Variants in JPH1 observed in about 807,000 individuals in gnomAD.
JPH1 encodes junctophilin-1.
In JPH1, 12 loss-of-function variants were observed where a neutral mutation model predicts 53.6. That is an observed-to-expected ratio of 0.22 (90% CI 0.14 to 0.36). The LOEUF is 0.36. Among genes scored for constraint, JPH1 ranks in the 10% least tolerant of loss-of-function variants. The pLI is 1.00. For synonymous variants in JPH1, 375 were observed against 363.8 expected, an observed-to-expected ratio of 1.03 and a Z score of -0.35; for missense variants, 808 against 905.5, an observed-to-expected ratio of 0.89 and a Z score of 1.38.
chr8:74,287,950 G>GTACAT (rs1489885826), intron 2 of JPH1, among the ~76,000 whole-genome samples: 3 of 151,138 alleles, frequency 2.0e-5, no homozygotes, highest in African/African-American at 7.3e-5. Flanking sequence ...ACTTGTTTTA[G>GTACAT]CTGACAATAT....
intron 2 of JPH1, among the ~76,000 whole-genome samples, chr8:74,288,669 C>T (rs1807238078): frequency 6.6e-6 from 1 of 152,184 alleles, no homozygotes; most frequent in South Asian, 2.1e-4. Context: ...CAGAGTTAAG[C>T]CCATGGACAA....
At chr8:74,302,970 A>C (rs1321869010) in intron 2 of JPH1, among the ~76,000 whole-genome samples, 5 of 152,088 alleles carry the variant, frequency 3.3e-5, no homozygotes, top group East Asian at 1.9e-4. Flanking sequence ...AAAAAAAAAA[A>C]AAAAAACAGT....
chr8:74,237,604 A>G (rs1807038451), intron 4 of JPH1, among the ~76,000 whole-genome samples: 1 of 152,232 alleles, frequency 6.6e-6, no homozygotes, highest in East Asian at 1.9e-4. Context: ...GACACAGCTC[A>G]CCCTAACAGG....
At position 74,275,020 on chromosome 8, in the gene JPH1, T is replaced by C. The variant is rs56273881; in HGVS notation, c.1140-15517A>G. ...GCCTGGGCTATGAGAATTTTCCTAC[T>C]GTCAGCCAAATTTTTATTTGATTTT... is the stretch of plus-strand genomic sequence containing the variant. On this transcript the variant is annotated intron_variant, in intron 2 of 5. Coordinates refer to ENST00000342232, the MANE Select transcript of JPH1 (RefSeq NM_020647.4). Among the ~76,000 whole-genome samples, 931 of 152,340 alleles carry C rather than the reference T, an allele frequency of 6.1e-3. 9 individuals are homozygous for C. The highest frequency in any genetic ancestry group is 0.021 in the African/African-American group (878 of 41,586).
chr8:74,297,811 G>A (rs564557537), intron 2 of JPH1, among the ~76,000 whole-genome samples: 1 of 152,324 alleles, frequency 6.6e-6, no homozygotes, highest in Non-Finnish European at 1.5e-5. Flanking sequence ...AGCTTTGATA[G>A]TGTGTGGCTA....
At chr8:74,272,817 G>A (rs1209554301) in intron 2 of JPH1, among the ~76,000 whole-genome samples, 4 of 151,952 alleles carry the variant, frequency 2.6e-5, no homozygotes, top group Non-Finnish European at 5.9e-5. Context: ...TGTTAGCCAG[G>A]ATGGTCTCGA....
chr8:74,272,600 CTTTTTTTTTTTT>C (rs765158506), intron 2 of JPH1, among the ~76,000 whole-genome samples: 1 of 112,684 alleles, frequency 8.9e-6, no homozygotes, highest in Non-Finnish European at 1.8e-5. Context: ...ACCCTTAGTT[CTTTTTTTTTTTT>C]TTTTTTTTTG....
At position 74,313,434 on chromosome 8, in the gene JPH1, T is replaced by G. The variant is rs16938871; in HGVS notation, c.1139+1427A>C. On this transcript the variant is annotated intron_variant, in intron 2 of 5. Coordinates refer to ENST00000342232, the MANE Select transcript of JPH1 (RefSeq NM_020647.4). ...AATAATAGCTTTGAAATGAAATTAG[T>G]TTGGGATAAAGATGAAAACCTTGAA... Among the ~76,000 whole-genome samples the G allele has an allele frequency of 5.7e-3, 868 of 152,114 alleles. 9 individuals are homozygous for G. The highest frequency in any genetic ancestry group is 0.02 in the African/African-American group (830 of 41,518).
chr8:74,277,859 A>G (rs911359927), intron 2 of JPH1, among the ~76,000 whole-genome samples: 7 of 152,238 alleles, frequency 4.6e-5, no homozygotes, highest in Admixed American at 4.6e-4. Context: ...TAATATATTC[A>G]CATGGCTCAA....
At chr8:74,283,369 C>G (rs1459270891) in intron 2 of JPH1, among the ~76,000 whole-genome samples, 4 of 151,802 alleles carry the variant, frequency 2.6e-5, no homozygotes, top group African/African-American at 9.7e-5. Flanking sequence ...TCTACATAAT[C>G]AATGACATAT....
chr8:74,247,446 G>T (rs186771012), intron 3 of JPH1, among the ~76,000 whole-genome samples: 1 of 152,162 alleles, frequency 6.6e-6, no homozygotes, highest in Non-Finnish European at 1.5e-5. Context: ...AAAATACAAA[G>T]TGCTTTTAAC....
intron 2 of JPH1, among the ~76,000 whole-genome samples, chr8:74,313,365 G>C (rs1808049788): frequency 6.6e-6 from 1 of 151,994 alleles, no homozygotes; most frequent in Admixed American, 6.6e-5. Flanking sequence ...GAGAAGACAG[G>C]AGAGAGAGAG....
intron 4 of JPH1, among the ~76,000 whole-genome samples, chr8:74,241,624 T>C (rs1482337747): frequency 1.3e-5 from 2 of 152,238 alleles, no homozygotes; most frequent in Non-Finnish European, 2.9e-5. Flanking sequence ...AGAGTTACTA[T>C]GGTTTATGTG....
chr8:74,273,134 T>G (rs1253856729), intron 2 of JPH1, among the ~76,000 whole-genome samples: 1 of 152,162 alleles, frequency 6.6e-6, no homozygotes, highest in Non-Finnish European at 1.5e-5. Flanking sequence ...TTTAACCACA[T>G]CATTTGTAAC....
chr8:74,289,168 T>C (rs148096277), intron 2 of JPH1, among the ~76,000 whole-genome samples: 4 of 152,336 alleles, frequency 2.6e-5, no homozygotes, highest in Admixed American at 1.3e-4. Flanking sequence ...ACGTTTTCTA[T>C]AGAAACCTTC....
At chr8:74,301,748 GT>G (rs1807687859) in intron 2 of JPH1, among the ~76,000 whole-genome samples, 1 of 152,054 alleles carries the variant, frequency 6.6e-6, no homozygotes, top group African/African-American at 2.4e-5. Flanking sequence ...CACTGTCATG[GT>G]TTTTTTCTTA....
chr8:74,272,036 G>A (rs1407866843), intron 2 of JPH1, among the ~76,000 whole-genome samples: 1 of 152,210 alleles, frequency 6.6e-6, no homozygotes, highest in African/African-American at 2.4e-5. Flanking sequence ...TTGCAGCTAT[G>A]CCATCAGGAG....
At chr8:74,297,228 C>G (rs914400449) in intron 2 of JPH1, among the ~76,000 whole-genome samples, 18 of 152,224 alleles carry the variant, frequency 1.2e-4, no homozygotes, top group African/African-American at 4.3e-4. Flanking sequence ...CAGGGTTGAT[C>G]AGACTCCGAC....
chr8:74,272,600 C>CTTTTT (rs765158506), intron 2 of JPH1, among the ~76,000 whole-genome samples: 8 of 112,682 alleles, frequency 7.1e-5, no homozygotes, highest in Admixed American at 9.4e-5. Flanking sequence ...ACCCTTAGTT[C>CTTTTT]TTTTTTTTTT....
Sources: gnomAD v4.1 joint callset for allele counts (sites outside exome capture counted in the v4.1 genomes callset) on GRCh38, gnomAD v4.1.1 for gene constraint, MANE v1.5 for transcripts, NCBI Gene and HGNC (gene_info 2026-07-23, HGNC 2026-07-21) for gene names.